The following PSMB1 variants were observed in gnomAD, a reference collection of about 807,000 sequenced individuals.
The protein encoded by PSMB1 is proteasome subunit beta type-1.
In PSMB1, 7 loss-of-function variants were observed where a neutral mutation model predicts 25.4. The observed-to-expected ratio is 0.28, with a 90% CI of 0.16 to 0.52. The LOEUF is 0.52. Ranked by LOEUF, PSMB1 falls within the 20% of genes least tolerant of loss-of-function variation. The pLI is 0.97. For missense variants in PSMB1, 284 were observed against 302.2 expected (o/e 0.94, Z 0.45); for synonymous variants, 119 against 115.0 (o/e 1.03, Z -0.22).
intron 1 of PSMB1, chr6:170,550,537 T>A (rs1243307268): frequency 6.6e-6 from 1 of 152,148 alleles, no homozygotes; most frequent in Non-Finnish European, 1.5e-5. Flanking sequence ...TGCCTGGGCA[T>A]TAGAGTGAGA....
chr6:170,549,307 A>C (rs1319282807), intron 1 of PSMB1, 194 bp from the exon 2 acceptor site: 2 of 499,152 alleles, frequency 4.0e-6, no homozygotes, highest in Non-Finnish European at 7.1e-6. Context: ...AAAAATTATT[A>C]ATAAGCCTAA....
chr6:170,543,832 G>C, intron 3 of PSMB1, 102 bp from the exon 4 acceptor site: 1 of 1,134,148 alleles, frequency 8.8e-7, no homozygotes, highest in Non-Finnish European at 1.2e-6. Flanking sequence ...TACCACAGTG[G>C]AAGGGGAAAG....
chr6:170,548,520 G>C (rs1222951088), intron 2 of PSMB1, among the ~76,000 whole-genome samples: 1 of 152,070 alleles, frequency 6.6e-6, no homozygotes, highest in Non-Finnish European at 1.5e-5. Context: ...AAAAAGTGTG[G>C]GGAGGCAGAT....
chr6:170,535,399 A>G lies in PSMB1; in HGVS notation c.547T>C (p.Phe183Leu). 6.2e-7 allele frequency: 1 copy of G among 1,612,354 alleles called. No individual in the cohort carries two copies. Among genetic ancestry groups the G allele is most frequent in the Non-Finnish European group, 8.5e-7 (1 of 1,179,258 alleles). Residue 183 changes from phenylalanine to leucine, a missense_variant, in exon 6 of 6, where the codon TTT becomes CTT. Transcript: ENST00000262193. ...TGCTCCACATTCTGCATGTTCTTAA[A>G]ACCAACCTGGTGGGACATGAAACTT... ...LQPLLDNQVG[F>L]KNMQNVEHVP...
intron 2 of PSMB1, 128 bp from the exon 3 acceptor site, chr6:170,546,312 T>TCC: frequency 1.4e-6 from 1 of 712,570 alleles, no homozygotes. Flanking sequence ...ACAGTCACCC[T>TCC]TCTGGGGAGG....
chr6:170,553,015 G>C, intron 1 of PSMB1, 115 bp downstream of exon 1: 1 of 851,766 alleles, frequency 1.2e-6, no homozygotes, highest in Non-Finnish European at 1.8e-6. Flanking sequence ...CTCAGCTCAG[G>C]GTTCTGAGGC....
At chr6:170,545,160 A>G in intron 3 of PSMB1, among the ~76,000 whole-genome samples, 1 of 152,144 alleles carries the variant, frequency 6.6e-6, no homozygotes, top group Non-Finnish European at 1.5e-5. Flanking sequence ...AAAAAAAAAA[A>G]ATTTCATTCC....
At position 170,553,228 on chromosome 6, in the gene PSMB1, T is replaced by C. The variant is rs769579603; in HGVS notation, c.15A>G (p.Thr5=). The C allele has an allele frequency of 6.2e-7, 1 of 1,612,626 alleles. No individual in the cohort carries two copies. The highest frequency in any genetic ancestry group is 8.5e-7 in the Non-Finnish European group (1 of 1,179,308). The change falls in exon 1 of 6, where the codon ACA becomes ACG. Residue 5 remains threonine, a synonymous_variant. Transcript: ENST00000262193. MLSS[T]AMYSAPGRDL... ...CTCTGCCAGGAGCCGAATACATGGC[T>C]GTAGAGGACAACATCGCACGGCTGC...
chr6:170,551,038 G>A (rs1213482189), intron 1 of PSMB1, among the ~76,000 whole-genome samples: 2 of 151,894 alleles, frequency 1.3e-5, no homozygotes, highest in East Asian at 1.9e-4. Context: ...CCAGCTACTC[G>A]GGAGGCTGAG....
At chr6:170,538,926 T>G (rs1778727243) in intron 4 of PSMB1, among the ~76,000 whole-genome samples, 1 of 151,970 alleles carries the variant, frequency 6.6e-6, no homozygotes, top group Non-Finnish European at 1.5e-5. Flanking sequence ...ACAAGTAAAC[T>G]GAGGCCCAAA....
At chr6:170,552,629 G>A (rs922502900) in intron 1 of PSMB1, among the ~76,000 whole-genome samples, 2 of 152,146 alleles carry the variant, frequency 1.3e-5, no homozygotes, top group Admixed American at 6.5e-5. Flanking sequence ...ACAGAAATCA[G>A]GCGGCTACAA....
intron 2 of PSMB1, among the ~76,000 whole-genome samples, chr6:170,547,199 C>A (rs1423612252): frequency 6.6e-6 from 1 of 152,118 alleles, no homozygotes; most frequent in Non-Finnish European, 1.5e-5. Context: ...AATTTAAATA[C>A]ACACCACTCT....
At chr6:170,546,579 C>G (rs979690523) in intron 2 of PSMB1, among the ~76,000 whole-genome samples, 12 of 152,196 alleles carry the variant, frequency 7.9e-5, no homozygotes, top group African/African-American at 2.9e-4. Context: ...AATTCCCCTG[C>G]CTCAGCCTCC....
chr6:170,535,862 G>A (rs745685766), intron 5 of PSMB1, among the ~76,000 whole-genome samples: 1 of 152,206 alleles, frequency 6.6e-6, no homozygotes, highest in East Asian at 1.9e-4. Flanking sequence ...CATCTTTTCT[G>A]AGAAAAGCAG....
intron 3 of PSMB1, among the ~76,000 whole-genome samples, chr6:170,544,101 C>T (rs1230283204): frequency 6.6e-6 from 1 of 152,162 alleles, no homozygotes; most frequent in African/African-American, 2.4e-5. Flanking sequence ...TAGTTTGGCT[C>T]AGGGGCCAAA....
chr6:170,538,363 T>C (rs766379318), intron 4 of PSMB1, among the ~76,000 whole-genome samples: 6 of 152,176 alleles, frequency 3.9e-5, no homozygotes, highest in African/African-American at 9.7e-5. Context: ...TTACTAACCA[T>C]GTACAACTGC....
intron 4 of PSMB1, among the ~76,000 whole-genome samples, chr6:170,539,153 T>G (rs1332072053): frequency 6.6e-6 from 1 of 152,160 alleles, no homozygotes. Flanking sequence ...TACAAAGTGC[T>G]TTTCCTCATC....
chr6:170,538,748 C>T (rs1778725238), intron 4 of PSMB1, among the ~76,000 whole-genome samples: 1 of 152,144 alleles, frequency 6.6e-6, no homozygotes, highest in Non-Finnish European at 1.5e-5. Flanking sequence ...GGAGAAGGCA[C>T]CATCTGAGGT....
intron 3 of PSMB1, among the ~76,000 whole-genome samples, chr6:170,545,144 C>CAAAAAA (rs373077081): frequency 1.6e-5 from 2 of 128,308 alleles, no homozygotes; most frequent in African/African-American, 5.7e-5. Context: ...AACTCTGTCT[C>CAAAAAA]AAAAAAAAAA....
Sources: gnomAD v4.1 joint callset for allele counts (sites outside exome capture counted in the v4.1 genomes callset) on GRCh38, gnomAD v4.1.1 for gene constraint, MANE v1.5 for transcripts, NCBI Gene and HGNC (gene_info 2026-07-23, HGNC 2026-07-21) for gene names.